Variants in CDAN1 observed in about 807,000 individuals in gnomAD.
CDAN1 encodes the protein codanin 1.
Under a neutral mutation model 139.8 loss-of-function variants are expected in CDAN1, and 107 were observed. That is an observed-to-expected ratio of 0.77 (90% CI 0.65 to 0.90). CDAN1 has a LOEUF of 0.90. Among genes scored for constraint, CDAN1 ranks in the 40% least tolerant of loss-of-function variants. The pLI, the probability that CDAN1 is intolerant of heterozygous loss-of-function variation, is 0.00. For missense variants in CDAN1, 1,667 were observed against 1,575.7 expected (o/e 1.06, Z -0.98); for synonymous variants, 776 against 660.6 (o/e 1.17, Z -2.68).
Position 42,724,601 on chromosome 15 carries a change from A to G in CDAN1, c.3574T>C (p.Leu1192=). Residue 1192 remains leucine, a synonymous_variant, in exon 28 of 28, where the codon TTA becomes CTA. Transcript: ENST00000356231. The part of the protein sequence containing the change: ...AQWPGDFAEE[L]ATLSNLFLAE... The stretch of plus-strand genomic sequence containing the variant: ...AGAAACAGATTAGACAGTGTTGCTA[A>G]TTCTTCAGCAAAGTCCTGGAATACA... 1 of 1,552,276 alleles carries G rather than the reference A, an allele frequency of 6.4e-7. No individual in the cohort carries two copies. The highest frequency in any genetic ancestry group is 1.2e-5 in the South Asian group (1 of 84,072).
chr15:42,736,280 C>T, intron 2 of CDAN1, 22 bp downstream of exon 2: 1 of 1,613,164 alleles, frequency 6.2e-7, no homozygotes, highest in South Asian at 1.1e-5. Flanking sequence ...TACCCATCTC[C>T]TGCATGAGAG....
At chr15:42,733,560 C>T (rs2061645145) in intron 8 of CDAN1, among the ~76,000 whole-genome samples, 1 of 152,196 alleles carries the variant, frequency 6.6e-6, no homozygotes, top group South Asian at 2.1e-4. Flanking sequence ...CAGGCGTGAG[C>T]CACCACACCC....
At chr15:42,736,262 C>T (rs1307407585) in intron 2 of CDAN1, 40 bp downstream of exon 2, 1 of 1,611,928 alleles carries the variant, frequency 6.2e-7, no homozygotes, top group Admixed American at 1.7e-5. Flanking sequence ...TCCCCAGAGC[C>T]TTCGTGGTAC....
Position 42,734,084 on chromosome 15 carries a change from A to G in CDAN1, c.1258-37T>C, listed in dbSNP as rs753204776. 2.6e-5 allele frequency: 42 copies of G among 1,592,954 alleles called. 1 individual carries two copies. The Middle Eastern group carries it at 9.9e-4, about 38-fold the overall frequency. ...CAGGAACGTTAGGAACTGCAGGGTC[A>G]TGCTGAGAAAACTTCTCCCTCTTAT... On this transcript the variant is annotated intron_variant, in intron 7 of 27. Transcript: ENST00000356231.
chr15:42,731,802 A>G lies in CDAN1; in HGVS notation c.1557T>C (p.Ala519=). ...LLQMCQSPGG[A]GGTVLGEAPD... ...GGGCCTCGCCCAAGACGGTGCCCCC[A>G]GCACCACCAGGGCTCTGACACATCT... Residue 519 remains alanine (A), a synonymous_variant, in exon 11 of 28, where the codon GCT becomes GCC. Coordinates refer to ENST00000356231, the MANE Select transcript of CDAN1 (RefSeq NM_138477.4). The G allele has an allele frequency of 1.2e-6, 2 of 1,614,040 alleles. No individual in the cohort carries two copies. The highest frequency in any genetic ancestry group is 1.7e-6 in the Non-Finnish European group (2 of 1,179,938).
intron 1 of CDAN1, 51 bp downstream of exon 1, chr15:42,736,962 A>T (rs1420542626): frequency 6.6e-7 from 1 of 1,518,624 alleles, no homozygotes; most frequent in Admixed American, 2.0e-5. Flanking sequence ...GCTGGACTCC[A>T]CTGCGGGAAC....
In CDAN1 at chr15:42,729,100, G is replaced by A; in HGVS notation, c.2568C>T (p.His856=). 1 of 1,614,224 alleles carries A rather than the reference G, an allele frequency of 6.2e-7. No individual in the cohort carries two copies. The highest frequency in any genetic ancestry group is 1.1e-5 in the South Asian group (1 of 91,088). ...LQAQLAQAFF[H]NQPPSLRRTV... is the part of the protein sequence containing the mutation. Reference sequence around the variant, plus strand: ...TCCGGCGCAAGGAGGGCGGCTGGTTGTGGAAAAAGGCCTGGGCGAGCTGTG... The same window carrying A: ...TCCGGCGCAAGGAGGGCGGCTGGTTATGGAAAAAGGCCTGGGCGAGCTGTG... Residue 856 remains histidine (H), a synonymous_variant, in exon 19 of 28, where the codon CAC becomes CAT. Transcript: ENST00000356231.
At chr15:42,731,929 CTG>C (rs2061618139) in intron 10 of CDAN1, 104 bp from the exon 11 acceptor site, 2 of 1,005,972 alleles carry the variant, frequency 2.0e-6, no homozygotes. Context: ...GGAATGCCAA[CTG>C]TGTCAAGTGC....
chr15:42,731,518 C>CCTATCTCCAGGCAAAGGAGA (rs2061611328), intron 11 of CDAN1, 102 bp downstream of exon 11: 1 of 1,444,062 alleles, frequency 6.9e-7, no homozygotes, highest in Non-Finnish European at 9.7e-7. Context: ...CTGGAAGGAG[C>CCTATCTCCAGGCAAAGGAGA]CTATCTCCAG....
At chr15:42,727,442 C>CTGA (rs1194689619) in intron 23 of CDAN1, among the ~76,000 whole-genome samples, 179 bp downstream of exon 23, 7 of 152,206 alleles carry the variant, frequency 4.6e-5, no homozygotes, top group Non-Finnish European at 7.3e-5. Flanking sequence ...TTAGGAAAAC[C>CTGA]ATTCAATTCA....
intron 10 of CDAN1, 48 bp downstream of exon 10, chr15:42,732,285 G>A (rs367997306): frequency 1.3e-6 from 2 of 1,554,266 alleles, no homozygotes; most frequent in South Asian, 1.1e-5. Context: ...GTGGCTGCCT[G>A]TGATGCCTGC....
Position 42,736,285 on chromosome 15 carries a change from T to C in CDAN1, c.569+17A>G, listed in dbSNP as rs749159186. On this transcript the variant is annotated intron_variant, in intron 2 of 27. Transcript: ENST00000356231. ...GCCTTCGTGGTACCCATCTCCTGCA[T>C]GAGAGCTGAGTCTCACCCTGTAGGG... The C allele has an allele frequency of 1.9e-6, 3 of 1,613,254 alleles. No individual in the cohort carries two copies. Among genetic ancestry groups the C allele is most frequent in the Non-Finnish European group, 2.5e-6 (3 of 1,179,886 alleles).
At chr15:42,727,417 AAGTC>A (rs1210858909) in intron 23 of CDAN1, among the ~76,000 whole-genome samples, 200 bp downstream of exon 23, 4 of 152,214 alleles carry the variant, frequency 2.6e-5, no homozygotes, top group African/African-American at 9.6e-5. Context: ...GATGATTAAA[AAGTC>A]AGAGTGACAA....
At chr15:42,730,499 GCA>G in intron 14 of CDAN1, 97 bp downstream of exon 14, 1 of 1,385,246 alleles carries the variant, frequency 7.2e-7, no homozygotes. Flanking sequence ...GGCCCCACAC[GCA>G]CAGTGCAGAC....
intron 27 of CDAN1, 89 bp from the exon 28 acceptor site, chr15:42,724,705 G>A (rs771298500): frequency 3.6e-4 from 541 of 1,484,312 alleles, no homozygotes; most frequent in Non-Finnish European, 4.5e-4. Context: ...AACCTGGCTG[G>A]CTATATTATT....
Position 42,725,508 on chromosome 15 carries a change from G to A in CDAN1, c.3431C>T (p.Ala1144Val). The change falls in exon 26 of 28, where the codon GCA (alanine) becomes GTA (valine). Residue 1144 changes from alanine (A) to valine (V), a missense_variant. This residue lies in a region of CDAN1 where 936 missense variants were observed against 844.1 expected (regional missense o/e 1.11). Transcript: ENST00000356231. Reference sequence around the variant, plus strand: ...ACTCACCTCCCTTGGCCTTGTGTCTGCCAGAAGCCCCACATTTCTTGGGCT... The same window carrying A: ...ACTCACCTCCCTTGGCCTTGTGTCTACCAGAAGCCCCACATTTCTTGGGCT... Reference protein sequence around the residue: ...LLSPRNVGLLADTRPREWDLL... With the variant: ...LLSPRNVGLLVDTRPREWDLL... 1.2e-6 allele frequency: 2 copies of A among 1,614,188 alleles called. No individual in the cohort carries two copies. The highest frequency in any genetic ancestry group is 1.1e-5 in the South Asian group (1 of 91,078).
At position 42,736,416 on chromosome 15, in the gene CDAN1, C is replaced by A. The variant is rs750340541; in HGVS notation, c.455G>T (p.Arg152Met). 1 of 1,607,540 alleles carries A rather than the reference C, an allele frequency of 6.2e-7. No homozygotes were observed. Among genetic ancestry groups the A allele is most frequent in the East Asian group, 2.2e-5 (1 of 44,682 alleles). ...GESLPGAGGR[R>M]LRGSGSPSRP... is the part of the protein sequence containing the mutation. ...GCTGGGGCTGCCAGAGCCCCTAAGC[C>A]TCCGGCCCCCGGCTCCGGGCAGGCT... Residue 152 changes from arginine (R) to methionine (M), a missense_variant, in exon 2 of 28, where the codon AGG becomes ATG. Physicochemically the swap from Arg to Met is moderately conservative, Grantham distance 91. Coordinates refer to ENST00000356231, the MANE Select transcript of CDAN1 (RefSeq NM_138477.4).
Position 42,726,389 on chromosome 15 carries a change from CG to C in CDAN1, c.3124del (p.Arg1042GlyfsTer16). On this transcript the variant is annotated frameshift_variant, in exon 24 of 28. Coordinates refer to ENST00000356231, the MANE Select transcript of CDAN1 (RefSeq NM_138477.4). LOFTEE classifies it high-confidence loss of function. ...KDVLSLAVGP[R>X]DPDEGVSPEH... Reference sequence around the variant, plus strand: ...TGGGGAGACTCCCTCGTCAGGGTCCCGTGGCCCCACGGCCAAGGAGAGCACG... The same window carrying C: ...TGGGGAGACTCCCTCGTCAGGGTCCCTGGCCCCACGGCCAAGGAGAGCACG... 1 of 1,597,982 alleles carries C rather than the reference CG, an allele frequency of 6.3e-7. No homozygotes were observed. Among genetic ancestry groups the C allele is most frequent in the Admixed American group, 1.7e-5 (1 of 57,574 alleles).
intron 8 of CDAN1, among the ~76,000 whole-genome samples, chr15:42,733,695 T>A (rs972874311): frequency 5.3e-5 from 8 of 152,214 alleles, no homozygotes; most frequent in Admixed American, 3.9e-4. Context: ...CCTGGCACAC[T>A]CTTGCTTGAG....
Sources: allele counts gnomAD v4.1 joint callset (sites outside exome capture counted in the v4.1 genomes callset), GRCh38; gene constraint gnomAD v4.1.1; regional missense constraint gnomAD v4.1.1; transcripts MANE v1.5; gene names NCBI Gene and HGNC (gene_info 2026-07-23, HGNC 2026-07-21).